Variants in RNFT2 observed in about 807,000 individuals in gnomAD.
RNFT2 encodes the protein E3 ubiquitin-protein ligase RNFT2.
RNFT2 carries 36 observed loss-of-function variants against 53.0 expected under a neutral mutation model. The ratio of observed to expected loss-of-function variants is 0.68; its 90% CI spans 0.52 to 0.90. RNFT2 has a LOEUF of 0.90. Among genes scored for constraint, RNFT2 ranks in the 40% least tolerant of loss-of-function variants. The pLI, the probability that RNFT2 is intolerant of heterozygous loss-of-function variation, is 0.00. For synonymous variants in RNFT2, 260 were observed against 253.2 expected (o/e 1.03, Z -0.26); for missense variants, 514 against 585.6 (o/e 0.88, Z 1.26).
intron 6 of RNFT2, among the ~76,000 whole-genome samples, chr12:116,772,893 A>G (rs541494359): frequency 2.3e-4 from 35 of 152,208 alleles, no homozygotes; most frequent in Non-Finnish European, 3.1e-4. Flanking sequence ...CAGTGGCACA[A>G]TCTCAGCTCA....
intron 7 of RNFT2, among the ~76,000 whole-genome samples, chr12:116,832,146 A>ATATATATATATATATATATATAT (rs59112507): frequency 9.8e-5 from 7 of 71,082 alleles, no homozygotes; most frequent in Admixed American, 1.9e-4. Flanking sequence ...AAAAAAAAAA[A>ATATATATATATATATATATATAT]AAATATATAT....
chr12:116,752,264 G>A (rs1239111360), intron 4 of RNFT2, among the ~76,000 whole-genome samples: 1 of 152,000 alleles, frequency 6.6e-6, no homozygotes, highest in African/African-American at 2.4e-5. Flanking sequence ...TCTTTCTGGT[G>A]ACTGCCAGCT....
Position 116,741,070 on chromosome 12 carries a change from A to ACACGGATAACATTCCAC in RNFT2, c.61_77dup (p.Glu27ArgfsTer29). 1 of 1,611,028 alleles carries ACACGGATAACATTCCAC rather than the reference A, an allele frequency of 6.2e-7. No homozygotes were observed. Among genetic ancestry groups the ACACGGATAACATTCCAC allele is most frequent in the Non-Finnish European group, 8.5e-7 (1 of 1,178,574 alleles). Reference sequence around the variant, plus strand: ...AAGATGCAGAGACGCCACAGCAGCAACACGGATAACATTCCACCTGAAAGG... The same window carrying ACACGGATAACATTCCAC: ...AAGATGCAGAGACGCCACAGCAGCAACACGGATAACATTCCACCACGGATAACATTCCACCTGAAAGG... On this transcript the variant is annotated frameshift_variant, in exon 3 of 11. Transcript: ENST00000257575. LOFTEE classifies it high-confidence loss of function.
At chr12:116,763,056 T>C (rs1360685329) in intron 5 of RNFT2, among the ~76,000 whole-genome samples, 2 of 152,110 alleles carry the variant, frequency 1.3e-5, no homozygotes, top group East Asian at 1.9e-4. Context: ...CACTCTAGCC[T>C]GGGCAACAGA....
At chr12:116,827,219 C>CAAA (rs753600365) in intron 7 of RNFT2, among the ~76,000 whole-genome samples, 26 of 92,448 alleles carry the variant, frequency 2.8e-4, no homozygotes, top group African/African-American at 6.8e-4. Flanking sequence ...GACTCCATCT[C>CAAA]AAAAAAAAAA....
chr12:116,744,182 T>C lies in RNFT2; in HGVS notation c.83+3088T>C, dbSNP rs148143704. 2.6e-3 allele frequency among the ~76,000 whole-genome samples: 371 copies of C among 142,572 alleles called. 1 individual carries two copies. Among genetic ancestry groups the C allele is most frequent in the Admixed American group, 8.4e-3 (109 of 12,932 alleles). The allele number at this position is 142,572 out of a possible 152,430, so 93.5% of individuals were successfully genotyped here. A position where few individuals can be genotyped will look rare whatever the true frequency, so the allele number is the denominator to read the frequency against. On this transcript the variant is annotated intron_variant, in intron 3 of 10. Coordinates refer to ENST00000257575, the MANE Select transcript of RNFT2 (RefSeq NM_001382266.1). Reference sequence around the variant, plus strand: ...TGGAGGCTGCAACGAGCAGAGATCATGCGACTGCACTCTAGCCTGGGTGAC... The same window carrying C: ...TGGAGGCTGCAACGAGCAGAGATCACGCGACTGCACTCTAGCCTGGGTGAC...
intron 6 of RNFT2, among the ~76,000 whole-genome samples, chr12:116,768,599 C>T (rs1013283380): frequency 6.6e-6 from 1 of 152,152 alleles, no homozygotes; most frequent in South Asian, 2.1e-4. Context: ...AACCTATTGT[C>T]CTGCCAGTCA....
chr12:116,821,951 C>T (rs774716663), intron 7 of RNFT2, among the ~76,000 whole-genome samples: 10 of 151,952 alleles, frequency 6.6e-5, no homozygotes, highest in Non-Finnish European at 1.3e-4. Flanking sequence ...TCTCCTGCCT[C>T]AGCCTCCAGA....
chr12:116,747,684 G>A (rs909616140), intron 3 of RNFT2, among the ~76,000 whole-genome samples: 2 of 152,144 alleles, frequency 1.3e-5, no homozygotes, highest in African/African-American at 4.8e-5. Flanking sequence ...GGGTTGTGGG[G>A]TCCAGAGGAT....
rs1212503356 is a variant in RNFT2, at chr12:116,852,296, C to T, written c.*2848C>T. ...AGGAGCTTTGTAGCCACCTCGCTGT[C>T]AGCCAGTATTAACATGTCCCCTTCC... On this transcript the variant is annotated 3_prime_UTR_variant, in exon 11 of 11. Coordinates refer to ENST00000257575, the MANE Select transcript of RNFT2 (RefSeq NM_001382266.1). 1.6e-6 allele frequency: 2 copies of T among 1,232,326 alleles called. No homozygotes were observed. Among genetic ancestry groups the T allele is most frequent in the Non-Finnish European group, 2.0e-6 (2 of 982,876 alleles). The allele number at this position is 1,232,326 out of a possible 1,614,324, so 76.3% of individuals were successfully genotyped here. A position where few individuals can be genotyped will look rare whatever the true frequency, so the allele number is the denominator to read the frequency against.
At chr12:116,743,918 G>A (rs1871769073) in intron 3 of RNFT2, among the ~76,000 whole-genome samples, 1 of 152,080 alleles carries the variant, frequency 6.6e-6, no homozygotes, top group African/African-American at 2.4e-5. Flanking sequence ...AAAAATGGCA[G>A]GTAACAGAAC....
intron 7 of RNFT2, among the ~76,000 whole-genome samples, chr12:116,826,172 CCTT>C (rs1876323509): frequency 6.6e-6 from 1 of 152,138 alleles, no homozygotes; most frequent in East Asian, 1.9e-4. Flanking sequence ...ATCCTACTCT[CCTT>C]CATTTCCCAC....
chr12:116,827,593 T>C (rs557972411), intron 7 of RNFT2, among the ~76,000 whole-genome samples: 1 of 152,356 alleles, frequency 6.6e-6, no homozygotes, highest in African/African-American at 2.4e-5. Flanking sequence ...CCACTTGTTT[T>C]TATAAATAAA....
chr12:116,740,435 A>C lies in RNFT2; in HGVS notation c.-63A>C. On this transcript the variant is annotated 5_prime_UTR_variant, in exon 2 of 11. Coordinates refer to ENST00000257575, the MANE Select transcript of RNFT2 (RefSeq NM_001382266.1). ...CTGTCCTCTCTGGGATCCATTGGTC[A>C]CATCCCCCTGAGGATTCCCGAATGC... The C allele has an allele frequency of 1.3e-6, 2 of 1,510,500 alleles. No homozygotes were observed. Among genetic ancestry groups the C allele is most frequent in the Non-Finnish European group, 1.8e-6 (2 of 1,108,234 alleles). The allele number at this position is 1,510,500 out of a possible 1,614,324, so 93.6% of individuals were successfully genotyped here. A position where few individuals can be genotyped will look rare whatever the true frequency, so the allele number is the denominator to read the frequency against.
At chr12:116,746,600 A>T (rs1209724403) in intron 3 of RNFT2, among the ~76,000 whole-genome samples, 3 of 152,228 alleles carry the variant, frequency 2.0e-5, no homozygotes, top group Admixed American at 6.5e-5. Flanking sequence ...GTTAGGGGAG[A>T]CATCCGGTGA....
chr12:116,751,597 G>A (rs1397685934), intron 4 of RNFT2, among the ~76,000 whole-genome samples: 2 of 151,410 alleles, frequency 1.3e-5, no homozygotes, highest in Admixed American at 6.6e-5. Context: ...TAGGGACGGG[G>A]TTTCACCATG....
At chr12:116,756,317 T>G (rs866265301) in intron 5 of RNFT2, among the ~76,000 whole-genome samples, 2 of 151,974 alleles carry the variant, frequency 1.3e-5, no homozygotes, top group Non-Finnish European at 2.9e-5. Context: ...TTTTTTTTTG[T>G]TTTTTGTTTT....
In RNFT2 at chr12:116,843,480, G is replaced by A. The variant is rs1272636367; in HGVS notation, c.1201-5834G>A. 5.4e-5 allele frequency among the ~76,000 whole-genome samples: 6 copies of A among 111,900 alleles called. No homozygotes were observed. The Admixed American group carries it at 7.2e-4, about 14-fold the overall frequency. 73.4% of individuals were successfully genotyped at this position (111,900 alleles called of 152,430 possible). A position where few individuals can be genotyped will look rare whatever the true frequency, so the allele number is the denominator to read the frequency against. On this transcript the variant is annotated intron_variant, in intron 10 of 10. Transcript: ENST00000257575. Reference sequence around the variant, plus strand: ...TGCACTCCAGCCCAGGTGATAGAGTGTGACTGTGTCTCAAAAAAAAAAAAA... The same window carrying A: ...TGCACTCCAGCCCAGGTGATAGAGTATGACTGTGTCTCAAAAAAAAAAAAA...
At chr12:116,780,538 A>G (rs1332865660) in intron 7 of RNFT2, among the ~76,000 whole-genome samples, 1 of 152,048 alleles carries the variant, frequency 6.6e-6, no homozygotes, top group Non-Finnish European at 1.5e-5. Flanking sequence ...GCCACAGTCT[A>G]GTACCAGTCT....
Sources: allele counts gnomAD v4.1 joint callset (sites outside exome capture counted in the v4.1 genomes callset), GRCh38; gene constraint gnomAD v4.1.1; transcripts MANE v1.5; gene names NCBI Gene and HGNC (gene_info 2026-07-23, HGNC 2026-07-21).